The following INPP4B variants were observed in gnomAD, a reference collection of about 807,000 sequenced individuals.
INPP4B encodes the protein inositol polyphosphate 4-phosphatase type II.
INPP4B carries 55 observed loss-of-function variants against 122.5 expected under a neutral mutation model. The observed-to-expected ratio is 0.45, with a 90% confidence interval of 0.36 to 0.56. The LOEUF (loss-of-function observed/expected upper bound fraction) is 0.56, where lower values mean the gene tolerates loss of function less well. Among genes scored for constraint, INPP4B ranks in the 20% least tolerant of loss-of-function variants. INPP4B has a pLI of 0.00. For synonymous variants in INPP4B, 403 were observed against 388.7 expected, an observed-to-expected ratio of 1.04 and a Z score of -0.43; for missense variants, 1,000 against 1,097.7, an observed-to-expected ratio of 0.91 and a Z score of 1.26.
chr4:142,305,810 TA>T, intron 8 of INPP4B: 9 of 1,193,774 alleles, frequency 7.5e-6, no homozygotes, highest in Non-Finnish European at 9.4e-6. Flanking sequence ...GTTGTTTCAC[TA>T]ACTATAATTT....
chr4:142,215,196 C>T (rs1403648963), intron 12 of INPP4B, among the ~76,000 whole-genome samples: 3 of 152,188 alleles, frequency 2.0e-5, no homozygotes, highest in Non-Finnish European at 4.4e-5. Flanking sequence ...GCTTGTTTAT[C>T]TCAGAGTCAC....
chr4:142,453,141 A>G (rs1436450013), intron 3 of INPP4B, among the ~76,000 whole-genome samples: 1 of 152,218 alleles, frequency 6.6e-6, no homozygotes, highest in Admixed American at 6.5e-5. Flanking sequence ...AAAGAAAATT[A>G]GAATTTGGCT....
intron 23 of INPP4B, among the ~76,000 whole-genome samples, chr4:142,087,498 G>C (rs565866794): frequency 6.6e-6 from 1 of 152,182 alleles, no homozygotes; most frequent in Non-Finnish European, 1.5e-5. Context: ...TAAGTGAATG[G>C]TTGGATAAGT....
chr4:142,285,613 G>A (rs1285155509), intron 9 of INPP4B, among the ~76,000 whole-genome samples: 1 of 150,750 alleles, frequency 6.6e-6, no homozygotes, highest in East Asian at 1.9e-4. Flanking sequence ...AGGGAAGAAA[G>A]CCAGTTTCTA....
chr4:142,227,853 A>G (rs1380980788), intron 12 of INPP4B, among the ~76,000 whole-genome samples: 1 of 113,754 alleles, frequency 8.8e-6, no homozygotes, highest in African/African-American at 3.8e-5. Context: ...GGGAGACTCT[A>G]TCTAAAAAAA....
At chr4:142,681,375 G>A (rs1156576757) in intron 2 of INPP4B, among the ~76,000 whole-genome samples, 1 of 151,802 alleles carries the variant, frequency 6.6e-6, no homozygotes, top group African/African-American at 2.4e-5. Flanking sequence ...ACTTAACCTG[G>A]AGATGCCAGG....
intron 7 of INPP4B, among the ~76,000 whole-genome samples, chr4:142,381,602 A>T (rs1271804306): frequency 6.6e-6 from 1 of 152,040 alleles, no homozygotes; most frequent in Non-Finnish European, 1.5e-5. Context: ...ACTTCTTAAG[A>T]AAACTTTCCC....
At chr4:142,324,775 A>G (rs986796713) in intron 7 of INPP4B, among the ~76,000 whole-genome samples, 10 of 152,018 alleles carry the variant, frequency 6.6e-5, no homozygotes, top group African/African-American at 2.2e-4. Context: ...GGGGACTTTC[A>G]CTTTGCTTTT....
chr4:142,639,169 T>G (rs1014709504), intron 2 of INPP4B, among the ~76,000 whole-genome samples: 1 of 152,190 alleles, frequency 6.6e-6, no homozygotes, highest in African/African-American at 2.4e-5. Flanking sequence ...ATTACTGGAT[T>G]TGATTTCTTA....
chr4:142,551,635 A>G (rs539885291), intron 2 of INPP4B, among the ~76,000 whole-genome samples: 1 of 152,268 alleles, frequency 6.6e-6, no homozygotes, highest in South Asian at 2.1e-4. Context: ...TTTTCTGGAA[A>G]GTGAGATAAG....
chr4:142,601,187 C>T (rs545705192), intron 2 of INPP4B, among the ~76,000 whole-genome samples: 42 of 152,032 alleles, frequency 2.8e-4, no homozygotes, highest in Middle Eastern at 3.4e-3. Flanking sequence ...CAAGAAAAAC[C>T]GGACTTTAGA....
intron 11 of INPP4B, among the ~76,000 whole-genome samples, chr4:142,258,857 T>C (rs1738014710): frequency 1.3e-5 from 2 of 152,194 alleles, no homozygotes; most frequent in Admixed American, 6.5e-5. Flanking sequence ...TTACTGGGTA[T>C]ATACCCAAAG....
At chr4:142,622,173 C>G (rs1258849199) in intron 2 of INPP4B, among the ~76,000 whole-genome samples, 2 of 151,896 alleles carry the variant, frequency 1.3e-5, no homozygotes, top group African/African-American at 2.4e-5. Flanking sequence ...TCTCACTGGA[C>G]TCCCAAAAAG....
chr4:142,775,518 C>T (rs1311043477), intron 1 of INPP4B, among the ~76,000 whole-genome samples: 1 of 136,928 alleles, frequency 7.3e-6, no homozygotes, highest in Non-Finnish European at 1.6e-5. Context: ...CCCCTCCCCT[C>T]CCCACCCCTC....
chr4:142,678,710 C>G (rs78424271), intron 2 of INPP4B, among the ~76,000 whole-genome samples: 165 of 151,984 alleles, frequency 1.1e-3, no homozygotes, highest in Non-Finnish European at 1.1e-3. Flanking sequence ...GTGTTTTGAA[C>G]TGGAAGAAAT....
At chr4:142,801,806 G>A (rs1778036165) in intron 1 of INPP4B, among the ~76,000 whole-genome samples, 2 of 152,262 alleles carry the variant, frequency 1.3e-5, no homozygotes, top group South Asian at 4.1e-4. Context: ...TTTGAGGTAG[G>A]AAATCCAAGA....
At chr4:142,271,070 T>C (rs941437666) in intron 9 of INPP4B, among the ~76,000 whole-genome samples, 4 of 151,900 alleles carry the variant, frequency 2.6e-5, no homozygotes, top group Non-Finnish European at 5.9e-5. Context: ...TTCAAGAGAT[T>C]CTTCTGCCTC....
intron 25 of INPP4B, among the ~76,000 whole-genome samples, chr4:142,072,545 T>A (rs1320263717): frequency 2.6e-5 from 4 of 151,800 alleles, no homozygotes; most frequent in Non-Finnish European, 5.9e-5. Flanking sequence ...AATGACTTTT[T>A]TTTTTTTTTT....
At chr4:142,057,854 A>C (rs961648888) in intron 25 of INPP4B, among the ~76,000 whole-genome samples, 1 of 152,130 alleles carries the variant, frequency 6.6e-6, no homozygotes, top group African/African-American at 2.4e-5. Context: ...ATATAGCTAT[A>C]TCTACTATTC....
Sources: allele counts gnomAD v4.1 joint callset (sites outside exome capture counted in the v4.1 genomes callset), GRCh38; gene constraint gnomAD v4.1.1; transcripts MANE v1.5; gene names NCBI Gene and HGNC (gene_info 2026-07-23, HGNC 2026-07-21).